The following KCNC2 variants were observed in gnomAD, a reference collection of about 807,000 sequenced individuals.
KCNC2 encodes voltage-gated potassium channel KCNC2.
In KCNC2, 21 loss-of-function variants were observed where a neutral mutation model predicts 44.5. The ratio of observed to expected loss-of-function variants is 0.47; its 90% CI spans 0.33 to 0.68. KCNC2 has a LOEUF of 0.68. KCNC2 is among the 30% of genes least tolerant of loss of function. The probability of loss-of-function intolerance (pLI) is 0.01; values close to 1 mark genes in which losing one functional copy is unlikely to be tolerated. For synonymous variants in KCNC2, 391 were observed against 339.1 expected (o/e 1.15, Z -1.68); for missense variants, 589 against 826.2 (o/e 0.71, Z 3.52).
In KCNC2 at chr12:75,042,905, A is replaced by G. The variant is rs552063108; in HGVS notation, c.*200T>C. 5.0e-4 allele frequency: 699 copies of G among 1,388,610 alleles called. 8 individuals are homozygous for G. In the South Asian group the frequency reaches 0.011, roughly 22 times the overall value. The allele number at this position is 1,388,610 out of a possible 1,614,324, so 86.0% of individuals were successfully genotyped here. A position where few individuals can be genotyped will look rare whatever the true frequency, so the allele number is the denominator to read the frequency against. On this transcript the variant is annotated 3_prime_UTR_variant, in exon 5 of 5. Coordinates refer to ENST00000549446, the MANE Select transcript of KCNC2 (RefSeq NM_139137.4). ...AATTAATAGGAGGGATCTTAGCACT[A>G]CTTTAGACAATCTTTAAAGCCTGGG...
At chr12:75,197,882 T>C (rs998722858) in intron 2 of KCNC2, among the ~76,000 whole-genome samples, 5 of 151,818 alleles carry the variant, frequency 3.3e-5, no homozygotes, top group Admixed American at 6.6e-5. Context: ...AAACAAACAT[T>C]ACTAAGAAAT....
intron 2 of KCNC2, among the ~76,000 whole-genome samples, chr12:75,114,888 A>T (rs1887535126): frequency 8.6e-6 from 1 of 115,720 alleles, no homozygotes; most frequent in East Asian, 3.0e-4. Flanking sequence ...TTTTTTGAGA[A>T]GGGATCTCGC....
chr12:75,084,271 AGATAGATAGATAGATAGAT>A (rs1311433367), intron 2 of KCNC2, among the ~76,000 whole-genome samples: 7 of 128,270 alleles, frequency 5.5e-5, no homozygotes, highest in South Asian at 2.5e-4. Context: ...TAGATAGATT[AGATAGATAGATAGATAGAT>A]GATAGATAGA....
chr12:75,084,163 C>T (rs958367947), intron 2 of KCNC2, among the ~76,000 whole-genome samples: 2 of 151,752 alleles, frequency 1.3e-5, no homozygotes, highest in African/African-American at 4.8e-5. Flanking sequence ...ATCTAAGGAC[C>T]ATCTCCTCTA....
chr12:75,154,918 AT>A (rs1171445320), intron 2 of KCNC2, among the ~76,000 whole-genome samples: 1 of 151,718 alleles, frequency 6.6e-6, no homozygotes, highest in East Asian at 1.9e-4. Flanking sequence ...TGAAAAACTA[AT>A]TTTTTTTCTG....
chr12:75,081,338 G>C (rs2137080256), intron 2 of KCNC2, among the ~76,000 whole-genome samples: 1 of 149,946 alleles, frequency 6.7e-6, no homozygotes. Flanking sequence ...GTTCGTAGTA[G>C]TATAAAGTGG....
At chr12:75,153,258 GT>G (rs1890530259) in intron 2 of KCNC2, among the ~76,000 whole-genome samples, 1 of 151,958 alleles carries the variant, frequency 6.6e-6, no homozygotes, top group African/African-American at 2.4e-5. Flanking sequence ...TAGCAACGAT[GT>G]TTATTTTATC....
At chr12:75,055,395 T>G (rs1032133529) in intron 2 of KCNC2, among the ~76,000 whole-genome samples, 1 of 152,118 alleles carries the variant, frequency 6.6e-6, no homozygotes, top group Non-Finnish European at 1.5e-5. Flanking sequence ...CAATAGTACC[T>G]TCCATTCATT....
At chr12:75,058,864 C>T (rs1331643739) in intron 2 of KCNC2, among the ~76,000 whole-genome samples, 1 of 152,022 alleles carries the variant, frequency 6.6e-6, no homozygotes, top group Non-Finnish European at 1.5e-5. Context: ...TCCAATGAAG[C>T]CCCATATTAC....
intron 2 of KCNC2, among the ~76,000 whole-genome samples, chr12:75,112,521 C>A (rs909947091): frequency 2.6e-5 from 4 of 151,998 alleles, no homozygotes; most frequent in African/African-American, 9.7e-5. Flanking sequence ...TACTGCGTCC[C>A]TATTCTCTCC....
intron 2 of KCNC2, among the ~76,000 whole-genome samples, chr12:75,114,354 T>A (rs1296138014): frequency 6.6e-6 from 1 of 152,202 alleles, no homozygotes; most frequent in Non-Finnish European, 1.5e-5. Context: ...TCAGCAAATA[T>A]GGTGGGTTCT....
chr12:75,176,822 G>T lies in KCNC2; in HGVS notation c.687+30475C>A, dbSNP rs868855636. 7.2e-5 allele frequency among the ~76,000 whole-genome samples: 11 copies of T among 151,732 alleles called. No individual in the cohort carries two copies. In the South Asian group the frequency reaches 1.5e-3, roughly 20 times the overall value. On this transcript the variant is annotated intron_variant, in intron 2 of 4. Transcript: ENST00000549446. ...TTTGAAACAGTAATCCAGGTCCTGG[G>T]AATTTGACCAACAAAAAAACCTCAA...
chr12:75,144,023 TG>T (rs1417291521), intron 2 of KCNC2, among the ~76,000 whole-genome samples: 1 of 152,200 alleles, frequency 6.6e-6, no homozygotes, highest in African/African-American at 2.4e-5. Flanking sequence ...TCACCATTCA[TG>T]GTGAACATCC....
At chr12:75,193,518 G>A (rs959339315) in intron 2 of KCNC2, among the ~76,000 whole-genome samples, 3 of 152,036 alleles carry the variant, frequency 2.0e-5, no homozygotes, top group African/African-American at 7.2e-5. Context: ...AATATAGCTA[G>A]CAAGAACAGC....
chr12:75,052,646 A>G (rs1215670780), intron 2 of KCNC2, among the ~76,000 whole-genome samples: 1 of 152,128 alleles, frequency 6.6e-6, no homozygotes, highest in East Asian at 1.9e-4. Context: ...CCAAAATCCA[A>G]AGTTGCCCCT....
intron 2 of KCNC2, among the ~76,000 whole-genome samples, chr12:75,123,724 C>T (rs1431519582): frequency 6.6e-6 from 1 of 152,086 alleles, no homozygotes; most frequent in Admixed American, 6.6e-5. Context: ...TTTTTTCCTA[C>T]CACGGTGGAA....
intron 2 of KCNC2, among the ~76,000 whole-genome samples, chr12:75,144,691 C>T (rs993065176): frequency 6.6e-5 from 10 of 151,926 alleles, no homozygotes; most frequent in African/African-American, 2.4e-4. Context: ...AGTTTCTTCA[C>T]CATTTTAATT....
At position 75,041,131 on chromosome 12, in the gene KCNC2, G is replaced by A. The variant is rs1209137187; in HGVS notation, c.*1974C>T. 6.3e-7 allele frequency: 1 copy of A among 1,596,692 alleles called. No individual in the cohort carries two copies. The highest frequency in any genetic ancestry group is 2.2e-5 in the East Asian group (1 of 44,808). On this transcript the variant is annotated 3_prime_UTR_variant, in exon 5 of 5. Coordinates refer to ENST00000549446, the MANE Select transcript of KCNC2 (RefSeq NM_139137.4). ...ATTCAGCAGCAGAAGTCTGTTTCCA[G>A]TATAGTCCTTGGTATGGCTAAATTC...
At chr12:75,198,566 T>A (rs139251234) in intron 2 of KCNC2, among the ~76,000 whole-genome samples, 328 of 151,966 alleles carry the variant, frequency 2.2e-3, no homozygotes, top group African/African-American at 7.3e-3. Flanking sequence ...ATAACTATTG[T>A]TATATTTTCC....
Sources: allele counts gnomAD v4.1 joint callset (sites outside exome capture counted in the v4.1 genomes callset), GRCh38; gene constraint gnomAD v4.1.1; transcripts MANE v1.5; gene names NCBI Gene and HGNC (gene_info 2026-07-23, HGNC 2026-07-21).